The following GRK5 variants were observed in gnomAD, a reference collection of about 807,000 sequenced individuals.
GRK5 encodes the protein g protein-coupled receptor kinase GRK5.
Under a neutral mutation model 78.4 loss-of-function variants are expected in GRK5, and 40 were observed. That is an observed-to-expected ratio of 0.51 (90% CI 0.40 to 0.66). GRK5 has a LOEUF of 0.66. GRK5 is among the 30% of genes least tolerant of loss of function. The pLI is 0.00. For missense variants in GRK5, 598 were observed against 759.9 expected (o/e 0.79, Z 2.50); for synonymous variants, 289 against 296.8 (o/e 0.97, Z 0.27).
In GRK5 at chr10:119,380,924, C is replaced by G; in HGVS notation, c.258C>G (p.Ser86=). The change falls in exon 3 of 16, where the codon TCC becomes TCG. Residue 86 remains serine (S), a synonymous_variant. Coordinates refer to ENST00000392870, the MANE Select transcript of GRK5 (RefSeq NM_005308.3). ...GLECYIQFLD[S]VAEYEVTPDE... ...AGTGTTACATTCAGTTCCTGGACTC[C>G]GTGGTAAGTTCCTGCTCCTGAGGGA... is the stretch of plus-strand genomic sequence containing the variant. The G allele has an allele frequency of 6.3e-7, 1 of 1,595,872 alleles. No homozygotes were observed.
At chr10:119,302,357 G>A (rs200319764) in intron 1 of GRK5, among the ~76,000 whole-genome samples, 1 of 152,220 alleles carries the variant, frequency 6.6e-6, no homozygotes. Context: ...ATGCTACCTG[G>A]CAGAGGAGCC....
chr10:119,452,550 G>A lies in GRK5; in HGVS notation c.1405-121G>A. 1.7e-6 allele frequency: 2 copies of A among 1,169,628 alleles called. No homozygotes were observed. The highest frequency in any genetic ancestry group is 2.4e-6 in the Non-Finnish European group (2 of 825,420). The allele number at this position is 1,169,628 out of a possible 1,614,324, so 72.5% of individuals were successfully genotyped here. ...ACACACCCTCCAGCCACTACCCATA[G>A]CAGTTCTGGGGGTGTGTCCTGGGAA... On this transcript the variant is annotated intron_variant, in intron 13 of 15. Coordinates refer to ENST00000392870, the MANE Select transcript of GRK5 (RefSeq NM_005308.3). The surrounding 1 kb of genome is among the most constrained non-coding windows in gnomAD (Gnocchi z 4.4).
intron 1 of GRK5, among the ~76,000 whole-genome samples, chr10:119,257,364 C>T (rs1253445380): frequency 6.6e-6 from 1 of 152,206 alleles, no homozygotes. Flanking sequence ...TGATATAACT[C>T]CCTGGTGGCA....
At chr10:119,439,177 T>C (rs1852982476) in intron 9 of GRK5, among the ~76,000 whole-genome samples, 1 of 152,238 alleles carries the variant, frequency 6.6e-6, no homozygotes, top group African/African-American at 2.4e-5. Flanking sequence ...GAGGAGACAT[T>C]AGGGACAGGA....
At chr10:119,440,180 G>C (rs1383297340) in intron 10 of GRK5, among the ~76,000 whole-genome samples, 3 of 152,162 alleles carry the variant, frequency 2.0e-5, no homozygotes, top group African/African-American at 7.2e-5. Context: ...TGCCCACCCA[G>C]AAGGAAGAGG....
intron 1 of GRK5, among the ~76,000 whole-genome samples, chr10:119,259,688 A>G (rs926252560): frequency 6.6e-6 from 1 of 152,200 alleles, no homozygotes; most frequent in Non-Finnish European, 1.5e-5. Context: ...GTGATGATGG[A>G]AATGTTCTGT....
At chr10:119,302,370 A>G (rs1850198082) in intron 1 of GRK5, among the ~76,000 whole-genome samples, 7 of 152,218 alleles carry the variant, frequency 4.6e-5, no homozygotes, top group Admixed American at 4.6e-4. Flanking sequence ...GAGGAGCCCA[A>G]GGGCAGGGGG....
At chr10:119,429,658 G>A (rs867760) in intron 6 of GRK5, among the ~76,000 whole-genome samples, 86,395 of 151,412 alleles carry the variant, frequency 0.57, 25,360 homozygotes, top group African/African-American at 0.68. Context: ...TGGAAGACGC[G>A]AGGTGATCAT....
chr10:119,224,662 C>T (rs1214447548), intron 1 of GRK5, among the ~76,000 whole-genome samples: 1 of 152,170 alleles, frequency 6.6e-6, no homozygotes, highest in Non-Finnish European at 1.5e-5. Context: ...TATCCAACTG[C>T]CTTGGCCTTA....
intron 3 of GRK5, among the ~76,000 whole-genome samples, chr10:119,394,260 CTG>C (rs796762407): frequency 0.17 from 821 of 4,918 alleles, 43 homozygotes; most frequent in East Asian, 0.24. Context: ...GTGGATGTAT[CTG>C]TGTGTGTGTG....
Position 119,352,801 on chromosome 10 carries a change from G to A in GRK5, c.148+26190G>A, listed in dbSNP as rs576767679. ...CCATCCTCTGGTGCAATTAGAGCAAGAGCCCACTTTCCACCCGAATCCTGG... is the reference window on the plus strand; with the variant it reads ...CCATCCTCTGGTGCAATTAGAGCAAAAGCCCACTTTCCACCCGAATCCTGG... On this transcript the variant is annotated intron_variant, in intron 2 of 15. Coordinates refer to ENST00000392870, the MANE Select transcript of GRK5 (RefSeq NM_005308.3). Among the ~76,000 whole-genome samples the A allele has an allele frequency of 3.0e-4, 46 of 152,168 alleles. 1 individual carries two copies. The highest frequency in any genetic ancestry group is 5.6e-4 in the Non-Finnish European group (38 of 68,042).
intron 1 of GRK5, among the ~76,000 whole-genome samples, chr10:119,268,920 G>A (rs1459191032): frequency 6.6e-6 from 1 of 152,252 alleles, no homozygotes; most frequent in Non-Finnish European, 1.5e-5. Context: ...TGACTTGTGA[G>A]TAGATAACAA....
At position 119,445,947 on chromosome 10, in the gene GRK5, C is replaced by T. The variant is rs1051752497; in HGVS notation, c.1267-2176C>T. 4.6e-5 allele frequency among the ~76,000 whole-genome samples: 7 copies of T among 152,232 alleles called. No homozygotes were observed. Among genetic ancestry groups the T allele is most frequent in the African/African-American group, 1.7e-4 (7 of 41,558 alleles). ...CTCCTCTGGAGCCCAGAAATTCACA[C>T]ATCTCACCACTTTGTCTCCTGAGCC... On this transcript the variant is annotated intron_variant, in intron 12 of 15. Coordinates refer to ENST00000392870, the MANE Select transcript of GRK5 (RefSeq NM_005308.3). This position sits in a 1 kb window ranked among gnomAD's most constrained non-coding sequence, Gnocchi z 4.1.
chr10:119,339,858 G>A (rs1850954827), intron 2 of GRK5, among the ~76,000 whole-genome samples: 1 of 152,136 alleles, frequency 6.6e-6, no homozygotes, highest in Admixed American at 6.5e-5. Flanking sequence ...TCACACCATT[G>A]CACTCCAACC....
chr10:119,281,753 A>T (rs1318736355), intron 1 of GRK5, among the ~76,000 whole-genome samples: 1 of 152,208 alleles, frequency 6.6e-6, no homozygotes, highest in East Asian at 1.9e-4. Flanking sequence ...GAGCCAGGCC[A>T]TCAAGTCATC....
At chr10:119,385,881 T>A (rs1307614163) in intron 3 of GRK5, among the ~76,000 whole-genome samples, 1 of 143,158 alleles carries the variant, frequency 7.0e-6, no homozygotes, top group Non-Finnish European at 1.5e-5. Context: ...AGTTGTCAAC[T>A]TTTTTTTTTT....
chr10:119,304,710 C>T (rs1335416458), intron 1 of GRK5, among the ~76,000 whole-genome samples: 3 of 152,204 alleles, frequency 2.0e-5, no homozygotes, highest in African/African-American at 7.2e-5. Context: ...ACGCTGCCTG[C>T]TCACCAGCCA....
chr10:119,340,704 G>A (rs1171707492), intron 2 of GRK5, among the ~76,000 whole-genome samples: 2 of 152,196 alleles, frequency 1.3e-5, no homozygotes, highest in African/African-American at 2.4e-5. Flanking sequence ...GGAGGCAGAA[G>A]ACCCAGTTTC....
intron 2 of GRK5, among the ~76,000 whole-genome samples, chr10:119,327,022 C>T (rs1168483468): frequency 6.6e-6 from 1 of 151,618 alleles, no homozygotes; most frequent in Non-Finnish European, 1.5e-5. Context: ...AACTTCTCCC[C>T]TTTCTTCCTG....
Sources: allele counts gnomAD v4.1 joint callset (sites outside exome capture counted in the v4.1 genomes callset), GRCh38; gene constraint gnomAD v4.1.1; non-coding constraint Gnocchi (gnomAD v3.1); transcripts MANE v1.5; gene names NCBI Gene and HGNC (gene_info 2026-07-23, HGNC 2026-07-21).